The following SEPTIN11 variants were observed in gnomAD, a reference collection of about 807,000 sequenced individuals.
SEPTIN11 encodes septin 11.
Under a neutral mutation model 51.4 loss-of-function variants are expected in SEPTIN11, and 25 were observed. The ratio of observed to expected loss-of-function variants is 0.49; its 90% CI spans 0.35 to 0.68. The LOEUF (loss-of-function observed/expected upper bound fraction) is 0.68, where lower values mean the gene tolerates loss of function less well. SEPTIN11 is among the 30% of genes least tolerant of loss of function. The probability of loss-of-function intolerance (pLI) is 0.00; values close to 1 mark genes in which losing one functional copy is unlikely to be tolerated. For missense variants in SEPTIN11, 381 were observed against 520.8 expected (o/e 0.73, Z 2.61); for synonymous variants, 174 against 184.1 (o/e 0.95, Z 0.44).
chr4:77,018,436 G>A (rs138201244), intron 5 of SEPTIN11, among the ~76,000 whole-genome samples: 2,815 of 145,192 alleles, frequency 0.019, 90 homozygotes, highest in African/African-American at 0.068. Flanking sequence ...GCAACAGAGC[G>A]AGACTCCATC....
chr4:77,014,442 G>T (rs1368419990), intron 4 of SEPTIN11, among the ~76,000 whole-genome samples: 6 of 152,238 alleles, frequency 3.9e-5, no homozygotes, highest in African/African-American at 9.6e-5. Context: ...GTCATTCAAA[G>T]AATAAGTTCC....
chr4:76,989,556 T>C (rs1405487696), intron 1 of SEPTIN11, among the ~76,000 whole-genome samples: 1 of 152,184 alleles, frequency 6.6e-6, no homozygotes, highest in Non-Finnish European at 1.5e-5. Flanking sequence ...TTAAGTATGG[T>C]GAATAAAATC....
intron 2 of SEPTIN11, among the ~76,000 whole-genome samples, chr4:77,001,820 A>T (rs62302326): frequency 8.5e-4 from 129 of 152,148 alleles, no homozygotes; most frequent in Non-Finnish European, 1.7e-3. Context: ...TTTTTGTCTT[A>T]TGGGTCCTCA....
Position 76,984,837 on chromosome 4 carries a change from G to C in SEPTIN11, c.28-11588G>C, listed in dbSNP as rs1183317105. 6.6e-6 allele frequency among the ~76,000 whole-genome samples: 1 copy of C among 152,170 alleles called. No homozygotes were observed. Among genetic ancestry groups the C allele is most frequent in the African/African-American group, 2.4e-5 (1 of 41,446 alleles). Reference sequence around the variant, plus strand: ...TTTGGGACCCACTGGACAGCAAGAGGGTTTTGAAATGGTTTATGACCTCTT... The same window carrying C: ...TTTGGGACCCACTGGACAGCAAGAGCGTTTTGAAATGGTTTATGACCTCTT... On this transcript the variant is annotated intron_variant, in intron 1 of 9. Coordinates refer to ENST00000264893, the MANE Select transcript of SEPTIN11 (RefSeq NM_018243.4). This position sits in a 1 kb window ranked among gnomAD's most constrained non-coding sequence, Gnocchi z 4.1.
In SEPTIN11 at chr4:76,949,944, C is replaced by T; in HGVS notation, c.27+14C>T. On this transcript the variant is annotated intron_variant, in intron 1 of 9. Transcript: ENST00000264893. Reference sequence around the variant, plus strand: ...GGGAGACCGTCTGTGAGTGCTGGGGCCTCGCCTGCTGCTCCTCGGGCGCCG... The same window carrying T: ...GGGAGACCGTCTGTGAGTGCTGGGGTCTCGCCTGCTGCTCCTCGGGCGCCG... 2 of 1,480,350 alleles carry T rather than the reference C, an allele frequency of 1.4e-6. No homozygotes were observed. The highest frequency in any genetic ancestry group is 2.4e-5 in the Admixed American group (1 of 41,728). 91.7% of individuals were successfully genotyped at this position (1,480,350 alleles called of 1,614,324 possible).
chr4:77,030,996 C>G, intron 9 of SEPTIN11, 26 bp downstream of exon 9: 1 of 1,575,406 alleles, frequency 6.3e-7, no homozygotes, highest in Non-Finnish European at 8.6e-7. Context: ...CCCCCTGTAT[C>G]GGGGACCTCT....
chr4:76,953,469 A>G (rs1039139776), intron 1 of SEPTIN11, among the ~76,000 whole-genome samples: 8 of 152,180 alleles, frequency 5.3e-5, no homozygotes, highest in East Asian at 1.9e-4. Flanking sequence ...GAGTGTGGGA[A>G]GTGGAGGAGT....
At chr4:77,005,874 A>C in intron 3 of SEPTIN11, 78 bp downstream of exon 3, 3 of 1,353,638 alleles carry the variant, frequency 2.2e-6, no homozygotes, top group Non-Finnish European at 2.0e-6. Flanking sequence ...TAAAGGCCAA[A>C]TGTTTTGGGG....
intron 1 of SEPTIN11, chr4:76,995,939 G>C: frequency 6.5e-7 from 1 of 1,535,486 alleles, no homozygotes; most frequent in South Asian, 1.2e-5. Flanking sequence ...TGCATTTATG[G>C]TAGGTAGAGC....
intron 9 of SEPTIN11, 52 bp from the exon 10 acceptor site, chr4:77,034,444 CT>C (rs1264821889): frequency 2.1e-6 from 3 of 1,427,744 alleles, no homozygotes; most frequent in Admixed American, 2.8e-5. Context: ...ATTTTCCTTT[CT>C]TTTTAATTTA....
chr4:77,035,522 C>A lies in SEPTIN11; in HGVS notation c.*1010C>A. ...GTATCATTGGTAGCACAAATTTGAGCGAGGCCTTGTCAATTTTAAGGTGGA... is the reference window on the plus strand; with the variant it reads ...GTATCATTGGTAGCACAAATTTGAGAGAGGCCTTGTCAATTTTAAGGTGGA... On this transcript the variant is annotated 3_prime_UTR_variant, in exon 10 of 10. Transcript: ENST00000264893. The A allele has an allele frequency of 1.0e-5, 10 of 985,274 alleles. No individual in the cohort carries two copies. The highest frequency in any genetic ancestry group is 1.2e-5 in the Non-Finnish European group (10 of 829,876). The allele number at this position is 985,274 out of a possible 1,614,324, so 61.0% of individuals were successfully genotyped here.
chr4:77,036,484 G>C lies in SEPTIN11; in HGVS notation c.*1972G>C. 7.7e-7 allele frequency: 1 copy of C among 1,293,924 alleles called. No individual in the cohort carries two copies. The highest frequency in any genetic ancestry group is 9.8e-7 in the Non-Finnish European group (1 of 1,018,138). The allele number at this position is 1,293,924 out of a possible 1,614,324, so 80.2% of individuals were successfully genotyped here. ...AAAGTACACTTTTAAATTGTCTCTT[G>C]CATCACTAAAATTTTTTTAAAATGA... On this transcript the variant is annotated 3_prime_UTR_variant, in exon 10 of 10. Coordinates refer to ENST00000264893, the MANE Select transcript of SEPTIN11 (RefSeq NM_018243.4).
chr4:77,026,327 A>G (rs1308376036), intron 7 of SEPTIN11, among the ~76,000 whole-genome samples: 3 of 152,224 alleles, frequency 2.0e-5, no homozygotes, highest in African/African-American at 7.2e-5. Flanking sequence ...AGCAGTAGTT[A>G]GCAAACTAGT....
At position 76,949,837 on chromosome 4, in the gene SEPTIN11, A is replaced by G; in HGVS notation, c.-67A>G. On this transcript the variant is annotated 5_prime_UTR_variant, in exon 1 of 10. Coordinates refer to ENST00000264893, the MANE Select transcript of SEPTIN11 (RefSeq NM_018243.4). The stretch of plus-strand genomic sequence containing the variant: ...CGCGAGGGAGGCGAGCCGGAGCCCG[A>G]GCACTAGCAGCAGCCGGAGTCGGCG... 2 of 1,483,270 alleles carry G rather than the reference A, an allele frequency of 1.3e-6. No individual in the cohort carries two copies. The highest frequency in any genetic ancestry group is 1.8e-6 in the Non-Finnish European group (2 of 1,112,608). The allele number at this position is 1,483,270 out of a possible 1,614,324, so 91.9% of individuals were successfully genotyped here.
At chr4:77,019,901 T>C (rs1055056513) in intron 6 of SEPTIN11, among the ~76,000 whole-genome samples, 10 of 152,324 alleles carry the variant, frequency 6.6e-5, no homozygotes, top group Non-Finnish European at 1.3e-4. Context: ...CTGTTTTGAA[T>C]AAAGGCAATA....
chr4:76,993,483 C>T (rs186901318), intron 1 of SEPTIN11, among the ~76,000 whole-genome samples: 1 of 152,224 alleles, frequency 6.6e-6, no homozygotes, highest in East Asian at 1.9e-4. Flanking sequence ...CTTGTGGTAG[C>T]TAAGGGAAGA....
At chr4:76,961,980 T>C (rs530477918) in intron 1 of SEPTIN11, among the ~76,000 whole-genome samples, 2 of 152,236 alleles carry the variant, frequency 1.3e-5, no homozygotes, top group Admixed American at 6.5e-5. Context: ...AGTGCAAAAA[T>C]TGAATTGCTT....
intron 3 of SEPTIN11, chr4:77,009,775 G>A (rs905108521): frequency 2.0e-5 from 3 of 152,278 alleles, no homozygotes; most frequent in African/African-American, 7.2e-5. Flanking sequence ...GGGAGCAATT[G>A]CTGTGAGCTG....
chr4:77,037,531 A>G lies in SEPTIN11; in HGVS notation c.*3019A>G. ...AAAATTTTTATGCTAGGATGCCTTT[A>G]TGACCACTTAATTTTTTAATCTTAG... On this transcript the variant is annotated 3_prime_UTR_variant, in exon 10 of 10. Transcript: ENST00000264893. 1 of 985,364 alleles carries G rather than the reference A, an allele frequency of 1.0e-6. No homozygotes were observed. 61.0% of individuals were successfully genotyped at this position (985,364 alleles called of 1,614,324 possible). A position where few individuals can be genotyped will look rare whatever the true frequency, so the allele number is the denominator to read the frequency against.
Sources: allele counts gnomAD v4.1 joint callset (sites outside exome capture counted in the v4.1 genomes callset), GRCh38; gene constraint gnomAD v4.1.1; non-coding constraint Gnocchi (gnomAD v3.1); transcripts MANE v1.5; gene names NCBI Gene and HGNC (gene_info 2026-07-23, HGNC 2026-07-21).